PRRG1: variants seen among roughly 807,000 people sequenced by gnomAD.
The protein encoded by PRRG1 is proline rich and Gla domain 1, also known as transmembrane gamma-carboxyglutamic acid protein 1.
Under a neutral mutation model 11.8 loss-of-function variants are expected in PRRG1, and 5 were observed. The ratio of observed to expected loss-of-function variants is 0.42; its 90% confidence interval spans 0.22 to 0.89. PRRG1 has a LOEUF of 0.89. PRRG1 is among the 40% of genes least tolerant of loss of function. The pLI, the probability that PRRG1 is intolerant of heterozygous loss-of-function variation, is 0.28. For synonymous variants in PRRG1, 66 were observed against 60.4 expected, an observed-to-expected ratio of 1.09 and a Z score of -0.43; for missense variants, 155 against 166.1, an observed-to-expected ratio of 0.93 and a Z score of 0.37.
chrX:37,369,619 T>C lies in PRRG1; in HGVS notation c.-42+20224T>C, dbSNP rs1288199673. On this transcript the variant is annotated intron_variant, in intron 1 of 3. Coordinates refer to ENST00000378628, the MANE Select transcript of PRRG1 (RefSeq NM_001142395.2). ...AATTTTGTATCATGTGACCAACATC[T>C]CTTTGATCTTCCCCCACCCAGTTCA... 2.7e-5 allele frequency among the ~76,000 whole-genome samples: 3 copies of C among 111,788 alleles called. No homozygotes were observed. The East Asian group carries it at 8.4e-4, about 31-fold the overall frequency.
intron 1 of PRRG1, among the ~76,000 whole-genome samples, chrX:37,367,206 A>G (rs868950639): frequency 8.9e-6 from 1 of 112,584 alleles, no homozygotes; most frequent in Non-Finnish European, 1.9e-5. Context: ...GTAAAAAAAT[A>G]TGCAATACTT....
rs1373705371 is a variant in PRRG1, at chrX:37,440,770, A to G, written c.172-12366A>G. The G allele has an allele frequency of 7.9e-6, 4 of 507,084 alleles. No individual in the cohort carries two copies. The Admixed American group carries it at 8.1e-5, about 10-fold the overall frequency. The allele number at this position is 507,084 out of a possible 1,213,427, so 41.8% of individuals were successfully genotyped here. A position where few individuals can be genotyped will look rare whatever the true frequency, so the allele number is the denominator to read the frequency against. On this transcript the variant is annotated intron_variant, in intron 3 of 3. Transcript: ENST00000378628. ...TTGCTGTTTTCTATTTTATTTTATT[A>G]TTGTTTTAAAATTGAGACAGGGTCT... is the stretch of plus-strand genomic sequence containing the variant.
At chrX:37,368,664 A>G (rs1221970477) in intron 1 of PRRG1, among the ~76,000 whole-genome samples, 1 of 111,311 alleles carries the variant, frequency 9.0e-6, no homozygotes, top group Non-Finnish European at 1.9e-5. Flanking sequence ...AATTTTTAAT[A>G]TAACTGCCAA....
intron 3 of PRRG1, among the ~76,000 whole-genome samples, chrX:37,432,364 G>A (rs1837673307): frequency 8.9e-6 from 1 of 111,952 alleles, no homozygotes; most frequent in South Asian, 3.8e-4. Context: ...GGGATTACAG[G>A]CGTGAGCCAC....
At chrX:37,403,188 T>C (rs1418969658) in intron 1 of PRRG1, among the ~76,000 whole-genome samples, 17 of 110,009 alleles carry the variant, frequency 1.5e-4, no homozygotes, top group African/African-American at 5.0e-4. Flanking sequence ...CACGTATGTT[T>C]ATTGTGGCAC....
At chrX:37,444,584 G>A (rs142059707) in intron 3 of PRRG1, among the ~76,000 whole-genome samples, 2,124 of 111,606 alleles carry the variant, frequency 0.019, 15 homozygotes, top group Non-Finnish European at 0.03. Context: ...TACATTATGT[G>A]GTAGCTATGA....
chrX:37,400,490 G>A (rs372654198), intron 1 of PRRG1, among the ~76,000 whole-genome samples: 4 of 110,896 alleles, frequency 3.6e-5, no homozygotes, highest in Admixed American at 2.9e-4. Context: ...GCAGTGTGTA[G>A]AGGGAAATTT....
intron 3 of PRRG1, among the ~76,000 whole-genome samples, chrX:37,429,167 T>C (rs1275712940): frequency 8.9e-6 from 1 of 112,055 alleles, no homozygotes; most frequent in Non-Finnish European, 1.9e-5. Context: ...ACCCATGACG[T>C]GCCCTGGAGA....
Position 37,426,616 on chromosome X carries a change from T to A in PRRG1, c.171+616T>A, listed in dbSNP as rs782219173. On this transcript the variant is annotated intron_variant, in intron 3 of 3. Transcript: ENST00000378628. ...AACCCTAGATGCTAAACAAGTGGTGTCACTTATGCTAAAAAGATACTAAAT... is the reference window on the plus strand; with the variant it reads ...AACCCTAGATGCTAAACAAGTGGTGACACTTATGCTAAAAAGATACTAAAT... Among the ~76,000 whole-genome samples, 5 of 111,686 alleles carry A rather than the reference T, an allele frequency of 4.5e-5. No individual in the cohort carries two copies. The South Asian group carries it at 1.9e-3, about 42-fold the overall frequency.
chrX:37,396,723 C>A, intron 1 of PRRG1, among the ~76,000 whole-genome samples: 2 of 110,867 alleles, frequency 1.8e-5, no homozygotes, highest in Middle Eastern at 4.7e-3. Flanking sequence ...AACATTGTTA[C>A]TGAATTGTAA....
chrX:37,372,154 T>C (rs1556370964), intron 1 of PRRG1, among the ~76,000 whole-genome samples: 1 of 112,841 alleles, frequency 8.9e-6, no homozygotes, highest in African/African-American at 3.2e-5. Context: ...TTTTACTGTT[T>C]TGATAAGTGC....
At chrX:37,403,243 A>G (rs1932075936) in intron 1 of PRRG1, among the ~76,000 whole-genome samples, 1 of 110,342 alleles carries the variant, frequency 9.1e-6, no homozygotes, top group African/African-American at 3.3e-5. Context: ...ATATCCAACA[A>G]TGATAGACTG....
At chrX:37,426,750 A>T (rs1244477959) in intron 3 of PRRG1, among the ~76,000 whole-genome samples, 1 of 112,650 alleles carries the variant, frequency 8.9e-6, no homozygotes, top group African/African-American at 3.2e-5. Flanking sequence ...TATATCATCC[A>T]TAATACCATC....
intron 3 of PRRG1, among the ~76,000 whole-genome samples, chrX:37,432,651 G>A (rs782534710): frequency 1.5e-4 from 17 of 111,699 alleles, no homozygotes; most frequent in South Asian, 1.5e-3. Flanking sequence ...TTAACACATC[G>A]CCATCCAACA....
In PRRG1 at chrX:37,456,088, G is replaced by A. The variant is rs1302114252; in HGVS notation, c.*2467G>A. On this transcript the variant is annotated 3_prime_UTR_variant, in exon 4 of 4. Coordinates refer to ENST00000378628, the MANE Select transcript of PRRG1 (RefSeq NM_001142395.2). Reference sequence around the variant, plus strand: ...AAAATATGGCCATTTTTCATAAAATGTTATTTGTGTTAGCATGTAATGGGT... The same window carrying A: ...AAAATATGGCCATTTTTCATAAAATATTATTTGTGTTAGCATGTAATGGGT... 1 of 112,003 alleles carries A rather than the reference G, an allele frequency of 8.9e-6. No individual in the cohort carries two copies. The highest frequency in any genetic ancestry group is 3.2e-5 in the African/African-American group (1 of 30,849). The allele number at this position is 112,003 out of a possible 1,213,427, so 9.2% of individuals were successfully genotyped here. A position where few individuals can be genotyped will look rare whatever the true frequency, so the allele number is the denominator to read the frequency against.
chrX:37,420,384 G>A (rs912251793), intron 2 of PRRG1, among the ~76,000 whole-genome samples: 8 of 111,325 alleles, frequency 7.2e-5, no homozygotes, highest in Non-Finnish European at 1.5e-4. Flanking sequence ...AATAACTCCA[G>A]GGTTGCACAA....
chrX:37,401,481 A>T (rs1430298324), intron 1 of PRRG1, among the ~76,000 whole-genome samples: 1 of 110,837 alleles, frequency 9.0e-6, no homozygotes, highest in Non-Finnish European at 1.9e-5. Flanking sequence ...GATGGGACGT[A>T]TCTCAAAATA....
chrX:37,434,143 T>C (rs1300667733), intron 3 of PRRG1, among the ~76,000 whole-genome samples: 4 of 112,569 alleles, frequency 3.6e-5, no homozygotes, highest in African/African-American at 1.3e-4. Flanking sequence ...CTTTTACTCA[T>C]ACGTGGTTTC....
intron 1 of PRRG1, among the ~76,000 whole-genome samples, chrX:37,377,708 T>G (rs1366231152): frequency 1.8e-5 from 2 of 111,932 alleles, no homozygotes; most frequent in Non-Finnish European, 3.8e-5. Context: ...CATTGACTTA[T>G]CAGTGTGATT....
Sources: gnomAD v4.1 joint callset for allele counts (sites outside exome capture counted in the v4.1 genomes callset) on GRCh38, gnomAD v4.1.1 for gene constraint, MANE v1.5 for transcripts, NCBI Gene and HGNC (gene_info 2026-07-23, HGNC 2026-07-21) for gene names.